The following CNBD1 variants were observed in gnomAD, a reference collection of about 807,000 sequenced individuals.
CNBD1 encodes the protein cyclic nucleotide-binding domain-containing protein 1.
CNBD1 carries 71 observed loss-of-function variants against 54.4 expected under a neutral mutation model. That is an observed-to-expected ratio of 1.30 (90% CI 1.08 to 1.59). The LOEUF is 1.59. Among genes scored for constraint, CNBD1 ranks in the 40% most tolerant of loss-of-function variants. The probability of loss-of-function intolerance (pLI) is 0.00; values close to 1 mark genes in which losing one functional copy is unlikely to be tolerated. For synonymous variants in CNBD1, 182 were observed against 170.7 expected (o/e 1.07, Z -0.51); for missense variants, 659 against 518.0 (o/e 1.27, Z -2.64).
chr8:87,088,531 TTAAC>T (rs1365040363), intron 4 of CNBD1, among the ~76,000 whole-genome samples: 3 of 152,172 alleles, frequency 2.0e-5, no homozygotes, highest in Admixed American at 1.3e-4. Context: ...GCCAAGTAAT[TTAAC>T]TTTTAATATT....
intron 8 of CNBD1, among the ~76,000 whole-genome samples, chr8:87,333,587 G>A (rs1037583414): frequency 6.6e-5 from 10 of 152,152 alleles, no homozygotes; most frequent in African/African-American, 2.4e-4. Context: ...AACATGAAGT[G>A]ATGTTGAATT....
chr8:87,387,387 C>T (rs544402030), downstream of CNBD1, among the ~76,000 whole-genome samples: 11 of 151,894 alleles, frequency 7.2e-5, no homozygotes, highest in South Asian at 1.9e-3. Context: ...CACACATAGG[C>T]TCAAAATAAA....
intron 4 of CNBD1, among the ~76,000 whole-genome samples, chr8:86,962,257 A>G (rs935565437): frequency 7.2e-5 from 11 of 152,256 alleles, no homozygotes; most frequent in African/African-American, 2.7e-4. Flanking sequence ...ACCTTTTTCC[A>G]GAAAAAGAAG....
chr8:87,400,109 C>A (rs1272992327), intron 2 of CNBD1, among the ~76,000 whole-genome samples: 1 of 151,920 alleles, frequency 6.6e-6, no homozygotes, highest in South Asian at 2.1e-4. Flanking sequence ...TTGAGCCTCA[C>A]CTTTTGTTCC....
chr8:86,953,641 T>G (rs1455441403), intron 4 of CNBD1, among the ~76,000 whole-genome samples: 1 of 152,028 alleles, frequency 6.6e-6, no homozygotes, highest in Admixed American at 6.6e-5. Context: ...CCGAGGTGGG[T>G]GGATCGCCTG....
At chr8:87,123,592 G>A (rs1347249992) in intron 4 of CNBD1, among the ~76,000 whole-genome samples, 1 of 151,498 alleles carries the variant, frequency 6.6e-6, no homozygotes, top group Non-Finnish European at 1.5e-5. Flanking sequence ...ATAATCTAAT[G>A]TTAAGCCTCA....
chr8:86,968,740 G>A (rs1327815144), intron 4 of CNBD1, among the ~76,000 whole-genome samples: 1 of 152,176 alleles, frequency 6.6e-6, no homozygotes, highest in Admixed American at 6.5e-5. Context: ...TGAGAGGGTG[G>A]TAGAGGAAAT....
intron 10 of CNBD1, among the ~76,000 whole-genome samples, chr8:87,369,040 A>G (rs1160439913): frequency 2.6e-5 from 4 of 151,958 alleles, no homozygotes; most frequent in Admixed American, 2.6e-4. Context: ...ACTATACTTT[A>G]CTAACAGTTT....
intron 4 of CNBD1, among the ~76,000 whole-genome samples, chr8:86,975,569 T>C (rs745440247): frequency 3.9e-5 from 6 of 152,090 alleles, no homozygotes; most frequent in Non-Finnish European, 8.8e-5. Flanking sequence ...TTTCTTCTTT[T>C]TTTAAGGCAT....
At chr8:87,425,421 T>G (rs1413039098) in intron 2 of CNBD1, among the ~76,000 whole-genome samples, 1 of 152,246 alleles carries the variant, frequency 6.6e-6, no homozygotes, top group Non-Finnish European at 1.5e-5. Context: ...CCAGTTTTTC[T>G]GTTCTGTTTT....
intron 4 of CNBD1, among the ~76,000 whole-genome samples, chr8:87,113,288 G>T (rs534065962): frequency 6.6e-6 from 1 of 152,298 alleles, no homozygotes; most frequent in East Asian, 1.9e-4. Context: ...TCTGCTACAC[G>T]TCACCTCATG....
At chr8:87,371,266 A>G (rs1291062090) in intron 10 of CNBD1, among the ~76,000 whole-genome samples, 1 of 152,000 alleles carries the variant, frequency 6.6e-6, no homozygotes, top group African/African-American at 2.4e-5. Context: ...TCTGTGAGGA[A>G]AGTCATTGGT....
chr8:87,128,633 A>G (rs1373444535), intron 4 of CNBD1, among the ~76,000 whole-genome samples: 2 of 152,132 alleles, frequency 1.3e-5, no homozygotes, highest in African/African-American at 4.8e-5. Flanking sequence ...AGATAATCGT[A>G]TAGTCTCTAT....
At chr8:87,427,365 AC>A (rs1808068130) in intron 2 of CNBD1, among the ~76,000 whole-genome samples, 1 of 152,256 alleles carries the variant, frequency 6.6e-6, no homozygotes, top group South Asian at 2.1e-4. Context: ...ATTAAGTTAC[AC>A]CATGGCTTTT....
At chr8:87,075,951 C>T (rs781412309) in intron 4 of CNBD1, among the ~76,000 whole-genome samples, 12 of 152,050 alleles carry the variant, frequency 7.9e-5, no homozygotes, top group East Asian at 3.8e-4. Context: ...GAGAGAGACT[C>T]CTTTAGCCCT....
intron 4 of CNBD1, among the ~76,000 whole-genome samples, chr8:87,025,079 T>TG (rs1809606132): frequency 1.3e-5 from 2 of 151,836 alleles, no homozygotes; most frequent in African/African-American, 4.8e-5. Context: ...CTGGGTAGGG[T>TG]GGGGACTTGG....
chr8:87,343,130 A>C (rs1334828104), intron 8 of CNBD1, among the ~76,000 whole-genome samples: 1 of 152,216 alleles, frequency 6.6e-6, no homozygotes. Context: ...TGCAAGAAGA[A>C]AAATATGGCT....
At chr8:87,381,747 C>T (rs1293682795) in intron 10 of CNBD1, among the ~76,000 whole-genome samples, 1 of 151,764 alleles carries the variant, frequency 6.6e-6, no homozygotes, top group Non-Finnish European at 1.5e-5. Context: ...TGAAATAAGC[C>T]AGTCACAGAA....
Position 87,222,237 on chromosome 8 carries a change from C to A in CNBD1, c.578-14682C>A, listed in dbSNP as rs191096322. Among the ~76,000 whole-genome samples the A allele has an allele frequency of 3.4e-4, 52 of 152,160 alleles. 1 individual carries two copies. Among genetic ancestry groups the A allele is most frequent in the Admixed American group, 2.0e-4 (3 of 15,268 alleles). On this transcript the variant is annotated intron_variant, in intron 5 of 10. Transcript: ENST00000518476. Reference sequence around the variant, plus strand: ...TAAGGAAAAAAAAAGAGTTGATCTTCAAATATTTTATAAAATTCTTTGGAG... The same window carrying A: ...TAAGGAAAAAAAAAGAGTTGATCTTAAAATATTTTATAAAATTCTTTGGAG...
Sources: gnomAD v4.1 joint callset for allele counts (sites outside exome capture counted in the v4.1 genomes callset) on GRCh38, gnomAD v4.1.1 for gene constraint, MANE v1.5 for transcripts, NCBI Gene and HGNC (gene_info 2026-07-23, HGNC 2026-07-21) for gene names.